NDRG1: variants seen among roughly 807,000 people sequenced by gnomAD.
NDRG1 encodes protein NDRG1.
A neutral mutation model predicts 56.9 loss-of-function variants in NDRG1; 32 were observed. The ratio of observed to expected loss-of-function variants is 0.56; its 90% CI spans 0.42 to 0.76. The LOEUF (loss-of-function observed/expected upper bound fraction) is 0.76, where lower values mean the gene tolerates loss of function less well. NDRG1 is among the 30% of genes least tolerant of loss of function. The pLI, the probability that NDRG1 is intolerant of heterozygous loss-of-function variation, is 0.00. For synonymous variants in NDRG1, 211 were observed against 204.1 expected, an observed-to-expected ratio of 1.03 and a Z score of -0.29; for missense variants, 507 against 545.7, an observed-to-expected ratio of 0.93 and a Z score of 0.71.
At chr8:133,282,220 C>T (rs918128551) in intron 2 of NDRG1, among the ~76,000 whole-genome samples, 9 of 152,310 alleles carry the variant, frequency 5.9e-5, no homozygotes, top group African/African-American at 2.2e-4. Flanking sequence ...TACCCTTGGA[C>T]CCAGCGATGC....
Position 133,238,282 on chromosome 8 carries a change from G to A in NDRG1, c.*596C>T, listed in dbSNP as rs754530244. On this transcript the variant is annotated 3_prime_UTR_variant, in exon 16 of 16. Coordinates refer to ENST00000323851, the MANE Select transcript of NDRG1 (RefSeq NM_006096.4). Reference sequence around the variant, plus strand: ...TCTAGATGCACCAACTTTAAAAATCGGTTTCTTCAAGTTAACTACGTAGAT... The same window carrying A: ...TCTAGATGCACCAACTTTAAAAATCAGTTTCTTCAAGTTAACTACGTAGAT... 3.1e-4 allele frequency: 72 copies of A among 232,128 alleles called. No homozygotes were observed. Among genetic ancestry groups the A allele is most frequent in the Admixed American group, 2.5e-3 (44 of 17,706 alleles). The allele number at this position is 232,128 out of a possible 1,614,324, so 14.4% of individuals were successfully genotyped here. A position where few individuals can be genotyped will look rare whatever the true frequency, so the allele number is the denominator to read the frequency against.
chr8:133,288,078 AAC>A (rs779636221), intron 1 of NDRG1, among the ~76,000 whole-genome samples: 6 of 151,956 alleles, frequency 3.9e-5, no homozygotes, highest in East Asian at 3.9e-4. Flanking sequence ...CATTCTCACA[AAC>A]ACACTCATTC....
At chr8:133,267,287 T>C (rs1162702537) in intron 3 of NDRG1, among the ~76,000 whole-genome samples, 1 of 152,192 alleles carries the variant, frequency 6.6e-6, no homozygotes, top group East Asian at 1.9e-4. Flanking sequence ...AGTTCCCTGT[T>C]CCTGAATGGC....
Position 133,239,600 on chromosome 8 carries a change from G to A in NDRG1, c.944-481C>T, listed in dbSNP as rs368487805. Reference sequence around the variant, plus strand: ...GAGAGGGGCCACACGGCAAGTTCCCGGCATGGCTATTCGTTGTCATCTCTC... The same window carrying A: ...GAGAGGGGCCACACGGCAAGTTCCCAGCATGGCTATTCGTTGTCATCTCTC... On this transcript the variant is annotated intron_variant, in intron 15 of 15. Coordinates refer to ENST00000323851, the MANE Select transcript of NDRG1 (RefSeq NM_006096.4). 5 of 193,960 alleles carry A rather than the reference G, an allele frequency of 2.6e-5. No individual in the cohort carries two copies. In the South Asian group the frequency reaches 4.5e-4, roughly 18 times the overall value. 12.0% of individuals were successfully genotyped at this position (193,960 alleles called of 1,614,324 possible). A position where few individuals can be genotyped will look rare whatever the true frequency, so the allele number is the denominator to read the frequency against.
At chr8:133,240,519 G>C (rs1489618067) in intron 15 of NDRG1, 1 of 152,240 alleles carries the variant, frequency 6.6e-6, no homozygotes, top group Non-Finnish European at 1.5e-5. Context: ...GATGTCTACT[G>C]AGCAGGATGA....
At chr8:133,292,527 C>G (rs1471615104) in intron 1 of NDRG1, among the ~76,000 whole-genome samples, 1 of 152,092 alleles carries the variant, frequency 6.6e-6, no homozygotes, top group Non-Finnish European at 1.5e-5. Flanking sequence ...GCCAAGGAGG[C>G]CTTTCTGGAG....
At chr8:133,280,353 C>A in intron 2 of NDRG1, 86 bp from the exon 3 acceptor site, 1 of 1,296,638 alleles carries the variant, frequency 7.7e-7, no homozygotes, top group Non-Finnish European at 1.1e-6. Context: ...TTTCTATGAC[C>A]TGAATCTGTA....
chr8:133,243,059 T>C (rs1241179135), intron 14 of NDRG1, among the ~76,000 whole-genome samples: 1 of 152,216 alleles, frequency 6.6e-6, no homozygotes, highest in Non-Finnish European at 1.5e-5. Flanking sequence ...TGTTCTTCAG[T>C]TAATCCCAAC....
chr8:133,265,368 C>T (rs1418695772), intron 3 of NDRG1, among the ~76,000 whole-genome samples: 5 of 152,158 alleles, frequency 3.3e-5, no homozygotes, highest in Admixed American at 3.3e-4. Flanking sequence ...GAGGCAAGGG[C>T]CTGCCTGAAA....
In NDRG1 at chr8:133,259,203, C is replaced by G. The variant is rs764077424; in HGVS notation, c.354G>C (p.Leu118=). ...GAAGGACTCCAGGAAGCATTTCAGC[C>G]AGCTGATCCATGGAGGGGTACATGT... ...AGYMYPSMDQ[L]AEMLPGVLQQ... is the part of the protein sequence containing the mutation. The change falls in exon 6 of 16, where the codon CTG becomes CTC. Residue 118 remains leucine, a synonymous_variant. Transcript: ENST00000323851. The G allele has an allele frequency of 6.2e-7, 1 of 1,614,210 alleles. No homozygotes were observed. The highest frequency in any genetic ancestry group is 1.1e-5 in the South Asian group (1 of 91,086).
At chr8:133,245,281 C>CT (rs1251626171) in intron 13 of NDRG1, among the ~76,000 whole-genome samples, 1 of 152,146 alleles carries the variant, frequency 6.6e-6, no homozygotes, top group African/African-American at 2.4e-5. Flanking sequence ...GCCACCCCAC[C>CT]TCAGTCAGGC....
intron 3 of NDRG1, among the ~76,000 whole-genome samples, chr8:133,277,781 A>G (rs1253775768): frequency 6.6e-6 from 1 of 152,100 alleles, no homozygotes; most frequent in Non-Finnish European, 1.5e-5. Flanking sequence ...TTGGCCCGGC[A>G]CTGATGCGGG....
At chr8:133,293,762 C>T (rs1160415591) in intron 1 of NDRG1, among the ~76,000 whole-genome samples, 2 of 152,190 alleles carry the variant, frequency 1.3e-5, no homozygotes, top group Non-Finnish European at 2.9e-5. Context: ...TTTGAAACAA[C>T]AGCATATCCC....
In NDRG1 at chr8:133,264,630, T is replaced by C. The variant is rs2233318; in HGVS notation, c.122A>G (p.His41Arg). The stretch of plus-strand genomic sequence containing the variant: ...ACACAGCGTGACGTGAACAGAGCCA[T>C]GTAAAGTCTCGATGTCCTGCTCCTG... ...DVQEQDIETL[H>R]GSVHVTLCGT... Residue 41 changes from histidine to arginine, a missense_variant, in exon 4 of 16, where the codon CAT becomes CGT. Transcript: ENST00000323851. 7.5e-4 allele frequency: 1,211 copies of C among 1,614,140 alleles called. No individual in the cohort carries two copies. The highest frequency in any genetic ancestry group is 2.0e-3 in the South Asian group (180 of 91,086).
chr8:133,261,085 T>A (rs1018883307), intron 5 of NDRG1, among the ~76,000 whole-genome samples: 4 of 152,108 alleles, frequency 2.6e-5, no homozygotes, highest in African/African-American at 9.7e-5. Flanking sequence ...CAAAGCCAAC[T>A]CCCCAGTCAT....
In NDRG1 at chr8:133,259,345, C is replaced by G. The variant is rs1407297821; in HGVS notation, c.327-115G>C. On this transcript the variant is annotated intron_variant, in intron 5 of 15. Coordinates refer to ENST00000323851, the MANE Select transcript of NDRG1 (RefSeq NM_006096.4). ...AGCAGCCTGCCCCATGCACCCAGAC[C>G]CCCCCACCCCCAAGTCTAGTCCCTT... 18 of 1,001,224 alleles carry G rather than the reference C, an allele frequency of 1.8e-5. No individual in the cohort carries two copies. The East Asian group carries it at 4.1e-4, about 23-fold the overall frequency. 62.0% of individuals were successfully genotyped at this position (1,001,224 alleles called of 1,614,324 possible).
intron 3 of NDRG1, among the ~76,000 whole-genome samples, chr8:133,279,318 C>T (rs1857647234): frequency 6.6e-6 from 1 of 152,184 alleles, no homozygotes; most frequent in African/African-American, 2.4e-5. Context: ...GCTTCCAGCC[C>T]CTCTCCCATC....
chr8:133,273,212 T>C (rs1857283270), intron 3 of NDRG1, among the ~76,000 whole-genome samples: 1 of 152,010 alleles, frequency 6.6e-6, no homozygotes. Context: ...TCTAACCATC[T>C]GAATAACTCA....
intron 9 of NDRG1, among the ~76,000 whole-genome samples, chr8:133,252,267 G>A (rs544612357): frequency 1.3e-5 from 2 of 152,222 alleles, no homozygotes; most frequent in East Asian, 3.9e-4. Context: ...GGTTAATTTT[G>A]TATTTTCAGT....
Sources: allele counts gnomAD v4.1 joint callset (sites outside exome capture counted in the v4.1 genomes callset), GRCh38; gene constraint gnomAD v4.1.1; transcripts MANE v1.5; gene names NCBI Gene and HGNC (gene_info 2026-07-23, HGNC 2026-07-21).